CDKAL1: variants seen among roughly 807,000 people sequenced by gnomAD.
CDKAL1 encodes the protein CDKAL1 threonylcarbamoyladenosine tRNA methylthiotransferase.
In CDKAL1, 32 loss-of-function variants were observed where a neutral mutation model predicts 68.2. The observed-to-expected ratio is 0.47, with a 90% CI of 0.35 to 0.63. The LOEUF (loss-of-function observed/expected upper bound fraction) is 0.63, where lower values mean the gene tolerates loss of function less well. Ranked by LOEUF, CDKAL1 falls within the 30% of genes least tolerant of loss-of-function variation. CDKAL1 has a pLI of 0.00. For synonymous variants in CDKAL1, 234 were observed against 244.3 expected, an observed-to-expected ratio of 0.96 and a Z score of 0.39; for missense variants, 606 against 696.7, an observed-to-expected ratio of 0.87 and a Z score of 1.47.
At chr6:21,080,259 G>A (rs1030133194) in intron 12 of CDKAL1, among the ~76,000 whole-genome samples, 1 of 152,244 alleles carries the variant, frequency 6.6e-6, no homozygotes, top group East Asian at 1.9e-4. Context: ...CCCTTGGGTT[G>A]TCTACCATCT....
chr6:20,780,325 A>G, intron 7 of CDKAL1, among the ~76,000 whole-genome samples: 1 of 151,986 alleles, frequency 6.6e-6, no homozygotes, highest in East Asian at 1.9e-4. Context: ...ATAGTGTGTA[A>G]AAATAAGTTT....
chr6:20,905,522 A>G (rs1762193276), intron 9 of CDKAL1, among the ~76,000 whole-genome samples: 1 of 152,218 alleles, frequency 6.6e-6, no homozygotes, highest in African/African-American at 2.4e-5. Context: ...CAATGAGAAT[A>G]TTTGAAGAGA....
At chr6:20,647,769 TA>T (rs898303414) in intron 4 of CDKAL1, among the ~76,000 whole-genome samples, 6 of 152,098 alleles carry the variant, frequency 3.9e-5, no homozygotes, top group African/African-American at 9.7e-5. Context: ...ATGTTTTATA[TA>T]AGGCACTCTG....
chr6:20,708,733 G>T (rs1011583208), intron 5 of CDKAL1, among the ~76,000 whole-genome samples: 1 of 152,016 alleles, frequency 6.6e-6, no homozygotes, highest in Non-Finnish European at 1.5e-5. Flanking sequence ...TTTTGTATGT[G>T]TGCATGTGTC....
intron 5 of CDKAL1, among the ~76,000 whole-genome samples, chr6:20,717,066 A>G (rs1411548656): frequency 6.6e-6 from 1 of 152,084 alleles, no homozygotes; most frequent in African/African-American, 2.4e-5. Context: ...TGGATTTGTC[A>G]ATAGGGAACT....
chr6:21,054,445 T>C (rs1343134757), intron 11 of CDKAL1, among the ~76,000 whole-genome samples: 1 of 152,190 alleles, frequency 6.6e-6, no homozygotes, highest in Non-Finnish European at 1.5e-5. Context: ...GTCATTTGTA[T>C]TTCCGCATAC....
rs1312121077 is a variant in CDKAL1 at position 20,853,758 on chromosome 6, G to A, written c.742+7580G>A. On this transcript the variant is annotated intron_variant, in intron 9 of 15. Transcript: ENST00000274695. ...TGACTGCAATGATAGTCAGAGGCGA[G>A]AACTACAATTAAGAACCACTATTCT... Among the ~76,000 whole-genome samples, 3 of 152,126 alleles carry A rather than the reference G, an allele frequency of 2.0e-5. No individual in the cohort carries two copies. In the East Asian group the frequency reaches 5.8e-4, roughly 29 times the overall value.
rs1481688453 is a variant in CDKAL1, at chr6:21,000,140, T to C, written c.910-87T>C. 5 of 989,012 alleles carry C rather than the reference T, an allele frequency of 5.1e-6. No individual in the cohort carries two copies. The East Asian group carries it at 1.2e-4, about 24-fold the overall frequency. 61.3% of individuals were successfully genotyped at this position (989,012 alleles called of 1,614,324 possible). A position where few individuals can be genotyped will look rare whatever the true frequency, so the allele number is the denominator to read the frequency against. On this transcript the variant is annotated intron_variant, in intron 10 of 15. Transcript: ENST00000274695. Reference sequence around the variant, plus strand: ...GGTCTGTTTTCAGCTAGTATGTTTATTTGCTTGCGCTTGTGGTGTTGATGT... The same window carrying C: ...GGTCTGTTTTCAGCTAGTATGTTTACTTGCTTGCGCTTGTGGTGTTGATGT...
intron 4 of CDKAL1, among the ~76,000 whole-genome samples, chr6:20,635,433 C>G (rs1417347808): frequency 6.6e-6 from 1 of 152,138 alleles, no homozygotes; most frequent in Non-Finnish European, 1.5e-5. Context: ...TCTTATAATA[C>G]AGGTTGAGTA....
intron 11 of CDKAL1, among the ~76,000 whole-genome samples, chr6:21,022,648 C>T (rs1768730124): frequency 6.6e-6 from 1 of 152,160 alleles, no homozygotes. Context: ...CGGTCTCCCT[C>T]CCTGAGCTCA....
At chr6:20,974,314 C>T (rs1003428718) in intron 10 of CDKAL1, among the ~76,000 whole-genome samples, 1 of 152,294 alleles carries the variant, frequency 6.6e-6, no homozygotes, top group East Asian at 1.9e-4. Context: ...TGGCTTTGCC[C>T]AAACTTTGTT....
intron 4 of CDKAL1, among the ~76,000 whole-genome samples, chr6:20,647,948 G>T (rs1056980486): frequency 2.0e-5 from 3 of 150,320 alleles, no homozygotes; most frequent in Non-Finnish European, 4.4e-5. Flanking sequence ...GGTGGTGGGC[G>T]CCTGTAATCC....
intron 9 of CDKAL1, among the ~76,000 whole-genome samples, chr6:20,913,461 C>G (rs13197106): frequency 0.28 from 43,355 of 152,142 alleles, 7,538 homozygotes; most frequent in East Asian, 0.38. Context: ...AATTTAACTT[C>G]ATCAAAGCCA....
Position 21,094,666 on chromosome 6 carries a change from A to C in CDKAL1, c.1237-13735A>C, listed in dbSNP as rs560261270. Among the ~76,000 whole-genome samples the C allele has an allele frequency of 2.0e-5, 3 of 152,374 alleles. No individual in the cohort carries two copies. The East Asian group carries it at 5.8e-4, about 29-fold the overall frequency. On this transcript the variant is annotated intron_variant, in intron 12 of 15. Coordinates refer to ENST00000274695, the MANE Select transcript of CDKAL1 (RefSeq NM_017774.3). ...GCCGAGGAATTTAAAACATAAAAGT[A>C]AAGATGTTTATGGTCTTGGTTGTTA...
intron 5 of CDKAL1, among the ~76,000 whole-genome samples, chr6:20,662,623 G>A (rs751177815): frequency 3.3e-4 from 50 of 152,084 alleles, no homozygotes; most frequent in Admixed American, 7.2e-4. Context: ...CATTTTCAGA[G>A]TTCCTTAGGG....
At chr6:21,009,721 T>A (rs1367977261) in intron 11 of CDKAL1, among the ~76,000 whole-genome samples, 1 of 152,194 alleles carries the variant, frequency 6.6e-6, no homozygotes, top group East Asian at 1.9e-4. Flanking sequence ...AAGGTCATTA[T>A]GTTAACTGAA....
At chr6:21,032,209 G>A (rs1464580827) in intron 11 of CDKAL1, among the ~76,000 whole-genome samples, 2 of 152,104 alleles carry the variant, frequency 1.3e-5, no homozygotes, top group Non-Finnish European at 2.9e-5. Context: ...GGATTGGGGT[G>A]TCTGCGAGCT....
chr6:20,695,156 A>G (rs1771054675), intron 5 of CDKAL1, among the ~76,000 whole-genome samples: 1 of 152,018 alleles, frequency 6.6e-6, no homozygotes, highest in African/African-American at 2.4e-5. Context: ...ATGTAGATCT[A>G]GTATACATAT....
intron 11 of CDKAL1, among the ~76,000 whole-genome samples, chr6:21,013,199 A>G (rs1244517331): frequency 6.6e-6 from 1 of 152,206 alleles, no homozygotes; most frequent in Non-Finnish European, 1.5e-5. Context: ...TGGCTTTTTC[A>G]GACCTGCAAA....
Sources: gnomAD v4.1 joint callset for allele counts (sites outside exome capture counted in the v4.1 genomes callset) on GRCh38, gnomAD v4.1.1 for gene constraint, MANE v1.5 for transcripts, NCBI Gene and HGNC (gene_info 2026-07-23, HGNC 2026-07-21) for gene names.